The following RSKR variants were observed in gnomAD, a reference collection of about 807,000 sequenced individuals.
RSKR encodes ribosomal protein S6 kinase-related protein.
RSKR carries 44 observed loss-of-function variants against 56.8 expected under a neutral mutation model. The observed-to-expected ratio is 0.77, with a 90% CI of 0.61 to 1.00. The LOEUF is 1.00. Ranked by LOEUF, RSKR falls within the 50% of genes least tolerant of loss-of-function variation. RSKR has a pLI of 0.00. For missense variants in RSKR, 510 were observed against 506.9 expected (o/e 1.01, Z -0.06); for synonymous variants, 181 against 188.0 (o/e 0.96, Z 0.30).
At position 28,610,563 on chromosome 17, in the gene RSKR, G is replaced by C. The variant is rs930366691; in HGVS notation, c.1148C>G (p.Thr383Ser). The C allele has an allele frequency of 6.5e-7, 1 of 1,536,044 alleles. No homozygotes were observed. Among genetic ancestry groups the C allele is most frequent in the Non-Finnish European group, 8.7e-7 (1 of 1,146,906 alleles). The change falls in exon 12 of 12, where the codon ACC (threonine) becomes AGC (serine). Residue 383 changes from threonine to serine, a missense_variant. Transcript: ENST00000301037. Reference sequence around the variant, plus strand: ...CATGGTCTCCGCTGAACTGGGCTGGGTAGCTTGTGTCTCCGTGACAAAGTT... The same window carrying C: ...CATGGTCTCCGCTGAACTGGGCTGGCTAGCTTGTGTCTCCGTGACAAAGTT... ...PVNFVTETQA[T>S]QPSSAETMPF... is the part of the protein sequence containing the mutation.
intron 6 of RSKR, 52 bp from the exon 7 acceptor site, chr17:28,612,136 T>A: frequency 6.2e-7 from 1 of 1,605,238 alleles, no homozygotes. Flanking sequence ...CTTTCCAGTT[T>A]CCCTAGTAGC....
At position 28,610,425 on chromosome 17, in the gene RSKR, A is replaced by G; in HGVS notation, c.*53T>C. ...ATCAAGGTGGTCATACTGAGTAGGC[A>G]GGGATGGAGATCTTCAGGCTCCCAG... is the stretch of plus-strand genomic sequence containing the variant. On this transcript the variant is annotated 3_prime_UTR_variant, in exon 12 of 12. Coordinates refer to ENST00000301037, the MANE Select transcript of RSKR (RefSeq NM_001174103.2). 1 of 1,446,946 alleles carries G rather than the reference A, an allele frequency of 6.9e-7. No individual in the cohort carries two copies. The highest frequency in any genetic ancestry group is 9.4e-7 in the Non-Finnish European group (1 of 1,066,860). 89.6% of individuals were successfully genotyped at this position (1,446,946 alleles called of 1,614,324 possible).
At position 28,612,243 on chromosome 17, in the gene RSKR, T is replaced by C; in HGVS notation, c.652+19A>G. The C allele has an allele frequency of 6.2e-7, 1 of 1,612,726 alleles. No individual in the cohort carries two copies. Among genetic ancestry groups the C allele is most frequent in the Admixed American group, 1.7e-5 (1 of 59,996 alleles). Reference sequence around the variant, plus strand: ...CTTAAATCTTCCCTCCCCATTTCCTTTACCACTGTTTCACTTACACAGTAC... The same window carrying C: ...CTTAAATCTTCCCTCCCCATTTCCTCTACCACTGTTTCACTTACACAGTAC... On this transcript the variant is annotated intron_variant, in intron 6 of 11. Transcript: ENST00000301037.
Position 28,610,365 on chromosome 17 carries a change from CGG to C in RSKR, c.*111_*112del. On this transcript the variant is annotated 3_prime_UTR_variant, in exon 12 of 12. Transcript: ENST00000301037. ...TGGTCTAAAGCCTAGGAGAGCAGAACGGTAAGAGGCTACAAAATAAAAACAAA... is the reference window on the plus strand; with the variant it reads ...TGGTCTAAAGCCTAGGAGAGCAGAACTAAGAGGCTACAAAATAAAAACAAA... 1 of 980,284 alleles carries C rather than the reference CGG, an allele frequency of 1.0e-6. No individual in the cohort carries two copies. Among genetic ancestry groups the C allele is most frequent in the Non-Finnish European group, 1.5e-6 (1 of 666,680 alleles). 60.7% of individuals were successfully genotyped at this position (980,284 alleles called of 1,614,324 possible). A position where few individuals can be genotyped will look rare whatever the true frequency, so the allele number is the denominator to read the frequency against.
Position 28,613,509 on chromosome 17 carries a change from C to T in RSKR, c.255G>A (p.Val85=), listed in dbSNP as rs1186399663. The T allele has an allele frequency of 6.2e-7, 1 of 1,614,116 alleles. No individual in the cohort carries two copies. Among genetic ancestry groups the T allele is most frequent in the Non-Finnish European group, 8.5e-7 (1 of 1,180,044 alleles). The part of the protein sequence containing the change: ...LVEKPLPEWP[V]PQFINLFLPE... ...GTAGAAAGAGGTTGATGAACTGAGG[C>T]ACTGGCCACTCTGGCAGAGGCTTCT... The change falls in exon 2 of 12, where the codon GTG becomes GTA. Residue 85 remains valine (V), a synonymous_variant. Coordinates refer to ENST00000301037, the MANE Select transcript of RSKR (RefSeq NM_001174103.2).
Position 28,608,168 on chromosome 17 carries a change from T to G in RSKR, c.*2310A>C, listed in dbSNP as rs2070768073. The G allele has an allele frequency of 6.6e-6, 1 of 152,164 alleles. No individual in the cohort carries two copies. The highest frequency in any genetic ancestry group is 6.5e-5 in the Admixed American group (1 of 15,274). 9.4% of individuals were successfully genotyped at this position (152,164 alleles called of 1,614,324 possible). ...GCTGAAGGTAGACCACAAATTGGGCTCTAAATGGTCTAGTATCAGTACAAA... is the reference window on the plus strand; with the variant it reads ...GCTGAAGGTAGACCACAAATTGGGCGCTAAATGGTCTAGTATCAGTACAAA... On this transcript the variant is annotated 3_prime_UTR_variant, in exon 12 of 12. Transcript: ENST00000301037.
Position 28,611,335 on chromosome 17 carries a change from C to G in RSKR, c.900+58G>C, listed in dbSNP as rs2070810309. The G allele has an allele frequency of 2.0e-6, 3 of 1,532,218 alleles. No individual in the cohort carries two copies. The South Asian group carries it at 3.6e-5, about 18-fold the overall frequency. 94.9% of individuals were successfully genotyped at this position (1,532,218 alleles called of 1,614,324 possible). A position where few individuals can be genotyped will look rare whatever the true frequency, so the allele number is the denominator to read the frequency against. On this transcript the variant is annotated intron_variant, in intron 10 of 11. Transcript: ENST00000301037. ...TACGGCAAGATTTCCTAAGGTCTTC[C>G]TTCTTCCCACCACAAGGCAAAGCTC...
At chr17:28,611,325 TA>T in intron 10 of RSKR, 67 bp downstream of exon 10, 1 of 1,530,412 alleles carries the variant, frequency 6.5e-7, no homozygotes, top group Non-Finnish European at 8.8e-7. Flanking sequence ...CAAGATTTCC[TA>T]AGGTCTTCCT....
chr17:28,608,074 A>G lies in RSKR; in HGVS notation c.*2404T>C. ...ATTAAAACTTAGAAAAATGAGAATA[A>G]GGAAAATAAAAGTAGAAAAGGAAGA... On this transcript the variant is annotated 3_prime_UTR_variant, in exon 12 of 12. Transcript: ENST00000301037. 6.6e-6 allele frequency: 1 copy of G among 152,264 alleles called. No homozygotes were observed. Among genetic ancestry groups the G allele is most frequent in the East Asian group, 1.9e-4 (1 of 5,206 alleles). 9.4% of individuals were successfully genotyped at this position (152,264 alleles called of 1,614,324 possible).
Position 28,613,498 on chromosome 17 carries a change from A to AT in RSKR, c.265dup (p.Ile89AsnfsTer11). ...GGGAAACTCTGGTAGAAAGAGGTTG[A>AT]TGAACTGAGGCACTGGCCACTCTGG... On this transcript the variant is annotated frameshift_variant, in exon 2 of 12. Coordinates refer to ENST00000301037, the MANE Select transcript of RSKR (RefSeq NM_001174103.2). LOFTEE classifies it high-confidence loss of function. 1 of 1,614,202 alleles carries AT rather than the reference A, an allele frequency of 6.2e-7. No homozygotes were observed. The highest frequency in any genetic ancestry group is 8.5e-7 in the Non-Finnish European group (1 of 1,180,036).
At position 28,614,106 on chromosome 17, in the gene RSKR, C is replaced by G. The variant is rs1194802424; in HGVS notation, c.56G>C (p.Arg19Pro). 4 of 1,613,490 alleles carry G rather than the reference C, an allele frequency of 2.5e-6. No individual in the cohort carries two copies. The highest frequency in any genetic ancestry group is 3.4e-6 in the Non-Finnish European group (4 of 1,179,902). The stretch of plus-strand genomic sequence containing the variant: ...GCCTACCTTGTGAGGGACAGCCACC[C>G]GGGTGTGTTCCCCCTGCTGGGTGTG... ...GQHTQQGEHTRVAVPHKQGGN... is the reference protein window; with the variant it reads ...GQHTQQGEHTPVAVPHKQGGN... Residue 19 changes from arginine (R) to proline (P), a missense_variant, in exon 1 of 12, where the codon CGG becomes CCG. Arg to Pro is a moderately radical substitution (Grantham distance 103, BLOSUM62 -2). Coordinates refer to ENST00000301037, the MANE Select transcript of RSKR (RefSeq NM_001174103.2).
At chr17:28,612,854 G>T in intron 4 of RSKR, 167 bp from the exon 5 acceptor site, 1 of 764,716 alleles carries the variant, frequency 1.3e-6, no homozygotes. Context: ...CCTAGAACCA[G>T]CAAATACTAA....
chr17:28,614,013 CA>C, intron 1 of RSKR, 73 bp downstream of exon 1: 9 of 1,570,598 alleles, frequency 5.7e-6, no homozygotes, highest in Non-Finnish European at 7.8e-6. Flanking sequence ...TGCTCCTAAC[CA>C]GGAACTTCCC....
In RSKR at chr17:28,613,261, C is replaced by T. The variant is rs144177331; in HGVS notation, c.408+1G>A. 6.3e-4 allele frequency: 1,024 copies of T among 1,614,072 alleles called. 1 individual carries two copies. Among genetic ancestry groups the T allele is most frequent in the Non-Finnish European group, 7.9e-4 (937 of 1,180,032 alleles). Reference sequence around the variant, plus strand: ...GACTAATGTGGTATCTACGCCCCTACCTTCACTGCAAATACAGCTTTCTGG... The same window carrying T: ...GACTAATGTGGTATCTACGCCCCTATCTTCACTGCAAATACAGCTTTCTGG... On this transcript the variant is annotated splice_donor_variant, in intron 3 of 11. Transcript: ENST00000301037. LOFTEE classifies it high-confidence loss of function.
rs2070794151 is a variant in RSKR at position 28,610,316 on chromosome 17, A to G, written c.*162T>C. 4.7e-6 allele frequency: 3 copies of G among 641,168 alleles called. No individual in the cohort carries two copies. The South Asian group carries it at 5.9e-5, about 13-fold the overall frequency. 39.7% of individuals were successfully genotyped at this position (641,168 alleles called of 1,614,324 possible). Reference sequence around the variant, plus strand: ...AATAGGGCCAGCTGTGGCTGCCAGTAGCAGAATGTCCAGGTTGGAACTCTG... The same window carrying G: ...AATAGGGCCAGCTGTGGCTGCCAGTGGCAGAATGTCCAGGTTGGAACTCTG... On this transcript the variant is annotated 3_prime_UTR_variant, in exon 12 of 12. Transcript: ENST00000301037.
chr17:28,613,400 C>CGGAG (rs1447779369), intron 2 of RSKR, 40 bp downstream of exon 2: 1 of 1,614,122 alleles, frequency 6.2e-7, no homozygotes, highest in Non-Finnish European at 8.5e-7. Context: ...TTAACTTCTC[C>CGGAG]CAAAGACTGA....
chr17:28,610,746 G>T lies in RSKR; in HGVS notation c.1012-47C>A, dbSNP rs956727483. 6 of 1,496,726 alleles carry T rather than the reference G, an allele frequency of 4.0e-6. No individual in the cohort carries two copies. The Admixed American group carries it at 1.0e-4, about 25-fold the overall frequency. 92.7% of individuals were successfully genotyped at this position (1,496,726 alleles called of 1,614,324 possible). ...AGGATGAGTGACTAGGACAGGACAG[G>T]CCTGAACAGAAAGGATGGAAAAGAA... On this transcript the variant is annotated intron_variant, in intron 11 of 11. Transcript: ENST00000301037.
intron 6 of RSKR, 84 bp from the exon 7 acceptor site, chr17:28,612,168 T>C: frequency 6.3e-7 from 1 of 1,582,848 alleles, no homozygotes; most frequent in Non-Finnish European, 8.7e-7. Flanking sequence ...CCCTATCCTA[T>C]TCTTTAACTT....
Position 28,611,449 on chromosome 17 carries a change from G to C in RSKR, c.844C>G (p.His282Asp). 6.2e-7 allele frequency: 1 copy of C among 1,606,190 alleles called. No homozygotes were observed. The highest frequency in any genetic ancestry group is 1.1e-5 in the South Asian group (1 of 90,914). The change falls in exon 10 of 12, where the codon CAT becomes GAT. Residue 282 changes from histidine (H) to aspartate (D), a missense_variant. Physicochemically the swap from His to Asp is moderately conservative, Grantham distance 81 (BLOSUM62 -1). Transcript: ENST00000301037. ...PEVLSGGPYN[H>D]AADWWSLGVL... Reference sequence around the variant, plus strand: ...CCCAGGGACCACCAATCAGCAGCATGGTTGTAAGGTCCTCCACTTAGGACC... The same window carrying C: ...CCCAGGGACCACCAATCAGCAGCATCGTTGTAAGGTCCTCCACTTAGGACC...
Sources: allele counts gnomAD v4.1 joint callset, GRCh38; gene constraint gnomAD v4.1.1; transcripts MANE v1.5; gene names NCBI Gene and HGNC (gene_info 2026-07-23, HGNC 2026-07-21).